Variants in DMXL1 observed in about 807,000 individuals in gnomAD.
DMXL1 encodes the protein Dmx like 1.
DMXL1 carries 99 observed loss-of-function variants against 319.2 expected under a neutral mutation model. That is an observed-to-expected ratio of 0.31 (90% CI 0.26 to 0.37). DMXL1 has a LOEUF of 0.37. DMXL1 is among the 10% of genes least tolerant of loss of function. The probability of loss-of-function intolerance (pLI) is 1.00; values close to 1 mark genes in which losing one functional copy is unlikely to be tolerated. For missense variants in DMXL1, 3,745 were observed against 3,595.6 expected (o/e 1.04, Z -1.06); for synonymous variants, 1,385 against 1,235.2 (o/e 1.12, Z -2.54).
At chr5:119,169,722 A>C (rs531308831) in intron 23 of DMXL1, among the ~76,000 whole-genome samples, 2 of 152,302 alleles carry the variant, frequency 1.3e-5, no homozygotes, top group South Asian at 4.1e-4. Context: ...ATGATGTCCA[A>C]GTTATCAGTG....
chr5:119,162,877 T>TGAA (rs1772574069), intron 19 of DMXL1, among the ~76,000 whole-genome samples: 1 of 152,206 alleles, frequency 6.6e-6, no homozygotes, highest in Non-Finnish European at 1.5e-5. Flanking sequence ...TTCAAAGTGT[T>TGAA]CCGTATAGAA....
rs1760832213 is a variant in DMXL1 at position 119,116,325 on chromosome 5, A to T, written c.732A>T (p.Lys244Asn). ...VNGFSWRKTS[K>N]YMPRASVCNV... ...GATTTTCCTGGCGTAAAACAAGCAA[A>T]TATATGCCTAGGTCAGTGGATTGGT... Residue 244 changes from lysine (K) to asparagine (N), a missense_variant, in exon 7 of 44, where the codon AAA (lysine) becomes AAT (asparagine). Lys to Asn is a moderately conservative substitution (Grantham distance 94). Around this residue, in one of 4 missense-constraint regions of DMXL1, gnomAD observed 2,096 missense variants for 1,985.4 expected, o/e 1.06. Coordinates refer to ENST00000539542, the MANE Select transcript of DMXL1 (RefSeq NM_001290321.3). 6.2e-7 allele frequency: 1 copy of T among 1,613,858 alleles called. No homozygotes were observed. Among genetic ancestry groups the T allele is most frequent in the Non-Finnish European group, 8.5e-7 (1 of 1,179,950 alleles).
intron 19 of DMXL1, among the ~76,000 whole-genome samples, chr5:119,155,734 G>A (rs1009296644): frequency 6.7e-6 from 1 of 149,898 alleles, no homozygotes; most frequent in Non-Finnish European, 1.5e-5. Context: ...GAGCTGAATA[G>A]GAATATCACT....
chr5:119,130,483 C>T (rs1050380081), intron 10 of DMXL1, among the ~76,000 whole-genome samples: 1 of 152,126 alleles, frequency 6.6e-6, no homozygotes, highest in East Asian at 1.9e-4. Flanking sequence ...GCTAGGATTA[C>T]AGGCATCCGC....
intron 10 of DMXL1, among the ~76,000 whole-genome samples, chr5:119,130,692 T>C (rs1226649016): frequency 6.6e-6 from 1 of 152,162 alleles, no homozygotes; most frequent in African/African-American, 2.4e-5. Context: ...CATATCATTG[T>C]ATTTAACGGC....
intron 13 of DMXL1, among the ~76,000 whole-genome samples, chr5:119,142,697 G>T (rs1158651231): frequency 6.6e-6 from 1 of 151,900 alleles, no homozygotes; most frequent in Non-Finnish European, 1.5e-5. Flanking sequence ...TATGTACCTA[G>T]AGGAGTATAA....
chr5:119,210,838 CATT>C (rs1275522830), intron 34 of DMXL1, among the ~76,000 whole-genome samples: 2 of 130,804 alleles, frequency 1.5e-5, no homozygotes, highest in African/African-American at 5.5e-5. Flanking sequence ...CACCAGCAGA[CATT>C]ATTATCTTGT....
chr5:119,148,219 G>A (rs1368989587), intron 17 of DMXL1, among the ~76,000 whole-genome samples: 3 of 152,124 alleles, frequency 2.0e-5, no homozygotes, highest in East Asian at 1.9e-4. Context: ...TGACCATTCA[G>A]TACTTAAGTA....
intron 38 of DMXL1, among the ~76,000 whole-genome samples, chr5:119,225,713 T>A (rs994491133): frequency 1.3e-5 from 2 of 152,134 alleles, no homozygotes; most frequent in Non-Finnish European, 2.9e-5. Context: ...AAGAGAACCG[T>A]ATATGTAAAA....
intron 13 of DMXL1, among the ~76,000 whole-genome samples, chr5:119,135,278 G>A (rs189739937): frequency 1.6e-4 from 24 of 152,178 alleles, no homozygotes; most frequent in Non-Finnish European, 2.8e-4. Flanking sequence ...TCGGGTGAAG[G>A]GAGATAGGAA....
chr5:119,224,655 T>C, intron 37 of DMXL1, 54 bp from the exon 38 acceptor site: 1 of 646,420 alleles, frequency 1.5e-6, no homozygotes, highest in Non-Finnish European at 2.5e-6. Context: ...TGTCACAATT[T>C]AAATGTTTAA....
In DMXL1 at chr5:119,175,281, A is replaced by G. The variant is rs775276040; in HGVS notation, c.6702A>G (p.Leu2234=). The G allele has an allele frequency of 6.2e-7, 1 of 1,611,840 alleles. No homozygotes were observed. Among genetic ancestry groups the G allele is most frequent in the South Asian group, 1.1e-5 (1 of 90,976 alleles). Reference sequence around the variant, plus strand: ...TCCAGGTGTATGTAATGCATACTTTAGCAGCTTCACTTTCTGCTTGTATTT... The same window carrying G: ...TCCAGGTGTATGTAATGCATACTTTGGCAGCTTCACTTTCTGCTTGTATTT... The part of the protein sequence containing the change: ...QSNKVYVMHT[L]AASLSACIYQ... Residue 2234 remains leucine, a synonymous_variant, in exon 26 of 44, where the codon TTA becomes TTG. Coordinates refer to ENST00000539542, the MANE Select transcript of DMXL1 (RefSeq NM_001290321.3).
intron 25 of DMXL1, among the ~76,000 whole-genome samples, chr5:119,172,418 A>G (rs1289166517): frequency 6.6e-6 from 1 of 152,224 alleles, no homozygotes; most frequent in African/African-American, 2.4e-5. Context: ...TAGGATAGGC[A>G]GTACTTTGTG....
intron 1 of DMXL1, among the ~76,000 whole-genome samples, chr5:119,072,644 TTTTAA>T (rs1213853916): frequency 6.6e-6 from 1 of 152,248 alleles, no homozygotes; most frequent in Non-Finnish European, 1.5e-5. Context: ...TTTTCTCTGC[TTTTAA>T]TTTTTCTGTG....
intron 19 of DMXL1, among the ~76,000 whole-genome samples, 199 bp from the exon 20 acceptor site, chr5:119,164,308 T>C (rs1333596930): frequency 2.6e-5 from 4 of 152,156 alleles, no homozygotes; most frequent in Non-Finnish European, 5.9e-5. Flanking sequence ...ATGCTATTTT[T>C]GCAAAACATA....
Position 119,166,813 on chromosome 5 carries a change from G to A in DMXL1, c.5136+32G>A, listed in dbSNP as rs73790968. The A allele has an allele frequency of 2.8e-4, 439 of 1,549,390 alleles. 2 individuals carry two copies. In the African/African-American group the frequency reaches 5.1e-3, roughly 18 times the overall value. Reference sequence around the variant, plus strand: ...AGTGAAATTTAAATAACAAAGTATAGCAATGTCATCTTTTAAAGCTCCTTA... The same window carrying A: ...AGTGAAATTTAAATAACAAAGTATAACAATGTCATCTTTTAAAGCTCCTTA... On this transcript the variant is annotated intron_variant, in intron 22 of 43. Transcript: ENST00000539542.
At chr5:119,133,002 G>C in intron 10 of DMXL1, 130 bp from the exon 11 acceptor site, 1 of 896,254 alleles carries the variant, frequency 1.1e-6, no homozygotes, top group Non-Finnish European at 1.7e-6. Flanking sequence ...GGCGGAAGGG[G>C]TACAGAGCTT....
At chr5:119,091,331 T>C (rs1034576578) in intron 1 of DMXL1, among the ~76,000 whole-genome samples, 9 of 152,030 alleles carry the variant, frequency 5.9e-5, no homozygotes, top group African/African-American at 1.9e-4. Flanking sequence ...TCAGCCTCCT[T>C]GGTAGCTGGG....
intron 43 of DMXL1, among the ~76,000 whole-genome samples, chr5:119,245,989 T>TA (rs1405639987): frequency 1.3e-5 from 2 of 152,102 alleles, no homozygotes; most frequent in Admixed American, 6.6e-5. Flanking sequence ...ATGAATTTCT[T>TA]AGAGTAAAGA....
Sources: gnomAD v4.1 joint callset for allele counts (sites outside exome capture counted in the v4.1 genomes callset) on GRCh38, gnomAD v4.1.1 for gene constraint, gnomAD v4.1.1 regional missense constraint, MANE v1.5 for transcripts, NCBI Gene and HGNC (gene_info 2026-07-23, HGNC 2026-07-21) for gene names.